RASGRF1: variants seen among roughly 807,000 people sequenced by gnomAD.
RASGRF1 encodes Ras protein specific guanine nucleotide releasing factor 1.
A neutral mutation model predicts 138.7 loss-of-function variants in RASGRF1; 40 were observed. The ratio of observed to expected loss-of-function variants is 0.29; its 90% CI spans 0.22 to 0.38. RASGRF1 has a LOEUF of 0.38. Among genes scored for constraint, RASGRF1 ranks in the 10% least tolerant of loss-of-function variants. RASGRF1 has a pLI of 1.00. For synonymous variants in RASGRF1, 614 were observed against 663.2 expected (o/e 0.93, Z 1.14); for missense variants, 1,108 against 1,650.4 (o/e 0.67, Z 5.69).
At chr15:78,994,632 T>G (rs2056350777) in intron 20 of RASGRF1, among the ~76,000 whole-genome samples, 1 of 152,164 alleles carries the variant, frequency 6.6e-6, no homozygotes, top group African/African-American at 2.4e-5. Context: ...TGGAAAAAAG[T>G]GGGCTGTAGC....
At chr15:79,064,397 C>T in intron 2 of RASGRF1, 23 bp downstream of exon 2, 1 of 1,607,256 alleles carries the variant, frequency 6.2e-7, no homozygotes. Flanking sequence ...TAGGGGCTTC[C>T]TGCCCTGGGC....
intron 5 of RASGRF1, among the ~76,000 whole-genome samples, chr15:79,044,560 C>A (rs1428060217): frequency 6.6e-6 from 1 of 152,218 alleles, no homozygotes; most frequent in Non-Finnish European, 1.5e-5. Flanking sequence ...GCTACCAACC[C>A]ATTCCTTCCA....
In RASGRF1 at chr15:78,997,421, T is replaced by G. The variant is rs185996362; in HGVS notation, c.2966+675A>C. Among the ~76,000 whole-genome samples the G allele has an allele frequency of 1.7e-3, 262 of 152,320 alleles. 3 individuals carry two copies. The highest frequency in any genetic ancestry group is 5.9e-3 in the African/African-American group (246 of 41,562). On this transcript the variant is annotated intron_variant, in intron 19 of 26. Coordinates refer to ENST00000558480, the MANE Select transcript of RASGRF1 (RefSeq NM_001145648.3). ...CTGAGGAACTGAACTTTAAATTTTA[T>G]TTAATTTTCATTAAGATTTAAATAG...
intron 14 of RASGRF1, 41 bp from the exon 15 acceptor site, chr15:79,004,216 C>T (rs1767785906): frequency 4.6e-6 from 7 of 1,517,196 alleles, no homozygotes; most frequent in Non-Finnish European, 4.4e-6. Context: ...TTAGCGTAGG[C>T]CTGCCTGCCC....
intron 3 of RASGRF1, 147 bp from the exon 4 acceptor site, chr15:79,049,735 G>C: frequency 1.5e-6 from 1 of 649,540 alleles, no homozygotes; most frequent in Non-Finnish European, 2.6e-6. Context: ...TTGTGATTCT[G>C]ACTCTGTGCA....
chr15:78,988,259 A>G (rs1464156075), intron 22 of RASGRF1, among the ~76,000 whole-genome samples: 4 of 152,216 alleles, frequency 2.6e-5, no homozygotes, highest in Non-Finnish European at 5.9e-5. Flanking sequence ...AGCGTCTAGC[A>G]TGGGGTGAAC....
chr15:78,978,977 C>T (rs1438727489), intron 24 of RASGRF1: 4 of 1,290,434 alleles, frequency 3.1e-6, no homozygotes, highest in Non-Finnish European at 4.0e-6. Context: ...GGTGGGGACT[C>T]AGACAGAATG....
In RASGRF1 at chr15:78,999,845, TGC is replaced by T; in HGVS notation, c.2642_2643del (p.Arg881GlnfsTer73). On this transcript the variant is annotated frameshift_variant, in exon 17 of 27. Transcript: ENST00000558480. LOFTEE classifies it high-confidence loss of function. ...MTSCRELDNN[R>X]SALSAASAFA... ...AAGGCAGAGGCGGCCGACAAGGCAC[TGC>T]GGTTATTGTCCAGTTCACGACAGGA... 6.2e-7 allele frequency: 1 copy of T among 1,614,190 alleles called. No individual in the cohort carries two copies. Among genetic ancestry groups the T allele is most frequent in the Non-Finnish European group, 8.5e-7 (1 of 1,179,998 alleles).
chr15:79,059,646 A>C (rs997844332), intron 2 of RASGRF1, among the ~76,000 whole-genome samples: 1 of 152,044 alleles, frequency 6.6e-6, no homozygotes, highest in African/African-American at 2.4e-5. Flanking sequence ...TGCCCCCTTT[A>C]GTGGTTTTGT....
chr15:79,039,014 G>T, intron 5 of RASGRF1, among the ~76,000 whole-genome samples: 1 of 152,116 alleles, frequency 6.6e-6, no homozygotes. Flanking sequence ...TACTAGGCTG[G>T]TTTTTCATAG....
intron 4 of RASGRF1, among the ~76,000 whole-genome samples, chr15:79,047,229 A>G (rs1195437509): frequency 6.6e-6 from 1 of 151,192 alleles, no homozygotes; most frequent in Non-Finnish European, 1.5e-5. Context: ...AAATGGGGCT[A>G]AAGAGATGAT....
chr15:79,033,733 G>A (rs1220335898), intron 6 of RASGRF1, among the ~76,000 whole-genome samples: 1 of 151,608 alleles, frequency 6.6e-6, no homozygotes, highest in Admixed American at 6.6e-5. Context: ...GGAACTACAG[G>A]TGTGCACCAC....
intron 11 of RASGRF1, among the ~76,000 whole-genome samples, chr15:79,019,125 T>C (rs1248808385): frequency 6.6e-6 from 1 of 151,958 alleles, no homozygotes; most frequent in Non-Finnish European, 1.5e-5. Flanking sequence ...CCCATGCCCA[T>C]CCCCATGCCA....
intron 1 of RASGRF1, among the ~76,000 whole-genome samples, chr15:79,069,649 C>T (rs1181398145): frequency 6.6e-6 from 1 of 152,120 alleles, no homozygotes; most frequent in Non-Finnish European, 1.5e-5. Flanking sequence ...GTGATGGTAT[C>T]AGAATAGTAA....
chr15:79,008,262 C>T (rs911498221), intron 13 of RASGRF1, among the ~76,000 whole-genome samples: 1 of 152,200 alleles, frequency 6.6e-6, no homozygotes, highest in African/African-American at 2.4e-5. Context: ...TGGAAGCATT[C>T]TTGGGATTTG....
At chr15:78,972,590 C>T (rs74024498) in intron 25 of RASGRF1, among the ~76,000 whole-genome samples, 6,750 of 152,176 alleles carry the variant, frequency 0.044, 296 homozygotes, top group African/African-American at 0.1. Flanking sequence ...ACTTCCTTAG[C>T]GCCTGCTGTG....
chr15:79,009,413 C>T (rs1317405304), intron 13 of RASGRF1, among the ~76,000 whole-genome samples: 2 of 152,176 alleles, frequency 1.3e-5, no homozygotes, highest in African/African-American at 4.8e-5. Flanking sequence ...TGAAGGGGCT[C>T]AGTAACTGTC....
intron 12 of RASGRF1, among the ~76,000 whole-genome samples, chr15:79,016,327 C>A (rs577585622): frequency 4.4e-4 from 67 of 152,336 alleles, no homozygotes; most frequent in Non-Finnish European, 7.8e-4. Flanking sequence ...AGGCCACGAC[C>A]CCAAAGAGGG....
At chr15:78,979,380 T>G in intron 24 of RASGRF1, 1 of 300,442 alleles carries the variant, frequency 3.3e-6, no homozygotes, top group Non-Finnish European at 6.4e-6. Context: ...GGCCCCATCC[T>G]CAGGGTCTGG....
Sources: gnomAD v4.1 joint callset for allele counts (sites outside exome capture counted in the v4.1 genomes callset) on GRCh38, gnomAD v4.1.1 for gene constraint, MANE v1.5 for transcripts, NCBI Gene and HGNC (gene_info 2026-07-23, HGNC 2026-07-21) for gene names.